The following MEI4 variants were observed in gnomAD, a reference collection of about 807,000 sequenced individuals.
MEI4 encodes meiotic double-stranded break formation protein 4, also known as meiosis-specific protein MEI4.
MEI4 carries 27 observed loss-of-function variants against 31.4 expected under a neutral mutation model. The ratio of observed to expected loss-of-function variants is 0.86; its 90% CI spans 0.63 to 1.19. The LOEUF is 1.19. MEI4 is among the 50% of genes most tolerant of loss of function. The pLI is 0.00. For synonymous variants in MEI4, 122 were observed against 145.4 expected (o/e 0.84, Z 1.16); for missense variants, 329 against 398.9 (o/e 0.82, Z 1.49).
At chr6:77,777,456 G>A (rs1039163804) in intron 3 of MEI4, among the ~76,000 whole-genome samples, 2 of 152,086 alleles carry the variant, frequency 1.3e-5, no homozygotes, top group African/African-American at 4.8e-5. Context: ...CAGGAAAGGG[G>A]AATTGTCCTC....
At chr6:77,714,908 C>T (rs1480082598) in intron 2 of MEI4, among the ~76,000 whole-genome samples, 2 of 152,200 alleles carry the variant, frequency 1.3e-5, no homozygotes, top group Admixed American at 6.5e-5. Context: ...TAGCGTATCA[C>T]CTGGACCTGT....
intron 1 of MEI4, among the ~76,000 whole-genome samples, chr6:77,671,810 C>A (rs907879305): frequency 1.3e-5 from 2 of 152,070 alleles, no homozygotes; most frequent in Non-Finnish European, 2.9e-5. Context: ...GTGTTTAGGA[C>A]CTATACATAG....
chr6:77,715,401 T>C (rs1266572709), intron 2 of MEI4, among the ~76,000 whole-genome samples: 1 of 152,188 alleles, frequency 6.6e-6, no homozygotes, highest in Non-Finnish European at 1.5e-5. Context: ...TTCTGTTTGA[T>C]TAAGGTATCT....
At chr6:77,856,651 T>C (rs955412738) in intron 4 of MEI4, among the ~76,000 whole-genome samples, 1 of 152,130 alleles carries the variant, frequency 6.6e-6, no homozygotes, top group African/African-American at 2.4e-5. Flanking sequence ...GGCTACAGAG[T>C]GTAAATTGCA....
intron 2 of MEI4, among the ~76,000 whole-genome samples, chr6:77,749,255 T>A (rs996542807): frequency 6.6e-6 from 1 of 152,068 alleles, no homozygotes; most frequent in Non-Finnish European, 1.5e-5. Context: ...AGAAGAAAAC[T>A]GAACAGAGAA....
At chr6:77,846,683 C>G (rs1055686256) in intron 4 of MEI4, among the ~76,000 whole-genome samples, 6 of 152,202 alleles carry the variant, frequency 3.9e-5, no homozygotes, top group African/African-American at 1.4e-4. Flanking sequence ...CCCATCTTCA[C>G]TCCTCTGCTG....
At chr6:77,781,839 A>T (rs973249960) in intron 3 of MEI4, among the ~76,000 whole-genome samples, 1 of 152,170 alleles carries the variant, frequency 6.6e-6, no homozygotes, top group Non-Finnish European at 1.5e-5. Context: ...AGCTCCTGAT[A>T]GCCCAAGGCC....
intron 4 of MEI4, among the ~76,000 whole-genome samples, chr6:77,873,312 G>T (rs9350737): frequency 0.37 from 56,089 of 151,964 alleles, 10,941 homozygotes; most frequent in African/African-American, 0.5. Context: ...GAGTGAGATG[G>T]TACCTCATTG....
At chr6:77,761,034 CT>C in intron 2 of MEI4, 95 bp from the exon 3 acceptor site, 1 of 839,484 alleles carries the variant, frequency 1.2e-6, no homozygotes, top group Non-Finnish European at 1.6e-6. Context: ...TATTTATATA[CT>C]TCATTTCTTA....
At chr6:77,660,142 C>T (rs937486883) in intron 1 of MEI4, among the ~76,000 whole-genome samples, 5 of 152,124 alleles carry the variant, frequency 3.3e-5, no homozygotes, top group Middle Eastern at 3.4e-3. Context: ...GCGGGGACAG[C>T]TGTGTAGGCA....
intron 4 of MEI4, among the ~76,000 whole-genome samples, chr6:77,835,251 T>C (rs1770185861): frequency 2.0e-5 from 3 of 150,410 alleles, no homozygotes; most frequent in African/African-American, 7.3e-5. Context: ...TCCCAGCTAC[T>C]TGGGAGGCTG....
chr6:77,851,457 A>G (rs1413257115), intron 4 of MEI4, among the ~76,000 whole-genome samples: 1 of 152,074 alleles, frequency 6.6e-6, no homozygotes, highest in Non-Finnish European at 1.5e-5. Context: ...GTGCAGCCAT[A>G]AAAAGATGAG....
chr6:77,910,860 C>A (rs1288707945), intron 4 of MEI4, among the ~76,000 whole-genome samples: 3 of 150,158 alleles, frequency 2.0e-5, no homozygotes, highest in African/African-American at 7.3e-5. Flanking sequence ...CATGGCTACA[C>A]TAATTTGCAT....
At chr6:77,852,000 CAA>C (rs1338987649) in intron 4 of MEI4, among the ~76,000 whole-genome samples, 16 of 152,062 alleles carry the variant, frequency 1.1e-4, no homozygotes, top group Non-Finnish European at 2.2e-4. Context: ...ATTAGGGATT[CAA>C]ATTTGTAACA....
intron 2 of MEI4, among the ~76,000 whole-genome samples, chr6:77,692,521 G>A (rs1485582424): frequency 6.6e-6 from 1 of 151,990 alleles, no homozygotes; most frequent in Non-Finnish European, 1.5e-5. Context: ...AATTTTTAAA[G>A]CTTTGACTAA....
At position 77,925,689 on chromosome 6, in the gene MEI4, T is replaced by G. The variant is rs1456755367; in HGVS notation, c.*2343T>G. Reference sequence around the variant, plus strand: ...GGAAATAAAGAGAACCATAGAATGATCATAAAAATGAAGCAAATAAAAAGT... The same window carrying G: ...GGAAATAAAGAGAACCATAGAATGAGCATAAAAATGAAGCAAATAAAAAGT... On this transcript the variant is annotated 3_prime_UTR_variant, in exon 5 of 5. Transcript: ENST00000684080. The G allele has an allele frequency of 6.6e-6, 1 of 150,800 alleles. No individual in the cohort carries two copies. Among genetic ancestry groups the G allele is most frequent in the Non-Finnish European group, 1.5e-5 (1 of 67,618 alleles). The allele number at this position is 150,800 out of a possible 1,614,324, so 9.3% of individuals were successfully genotyped here. A position where few individuals can be genotyped will look rare whatever the true frequency, so the allele number is the denominator to read the frequency against.
intron 3 of MEI4, among the ~76,000 whole-genome samples, chr6:77,799,474 C>T (rs1002038643): frequency 5.9e-5 from 9 of 152,042 alleles, no homozygotes; most frequent in East Asian, 1.9e-4. Flanking sequence ...GTTTCTTTTG[C>T]TGTGCAGAAG....
Position 77,823,818 on chromosome 6 carries a change from A to G in MEI4, c.769-5113A>G, listed in dbSNP as rs376977985. 5.6e-4 allele frequency among the ~76,000 whole-genome samples: 85 copies of G among 152,334 alleles called. 2 individuals carry two copies. The highest frequency in any genetic ancestry group is 1.5e-3 in the African/African-American group (61 of 41,572). On this transcript the variant is annotated intron_variant, in intron 3 of 4. Transcript: ENST00000684080. The stretch of plus-strand genomic sequence containing the variant: ...CATTAGTGGCATTACTGCATCAGCC[A>G]TCAACATTTATGCGTGATACCATCT...
At chr6:77,734,756 T>G (rs961150163) in intron 2 of MEI4, among the ~76,000 whole-genome samples, 1 of 152,090 alleles carries the variant, frequency 6.6e-6, no homozygotes, top group Non-Finnish European at 1.5e-5. Context: ...TTGGCATGAT[T>G]TTGCAGTGGC....
Sources: allele counts gnomAD v4.1 joint callset (sites outside exome capture counted in the v4.1 genomes callset), GRCh38; gene constraint gnomAD v4.1.1; transcripts MANE v1.5; gene names NCBI Gene and HGNC (gene_info 2026-07-23, HGNC 2026-07-21).